ADAMTS19: variants seen among roughly 807,000 people sequenced by gnomAD.
The protein encoded by ADAMTS19 is ADAM metallopeptidase with thrombospondin type 1 motif 19.
In ADAMTS19, 93 loss-of-function variants were observed where a neutral mutation model predicts 153.3. The ratio of observed to expected loss-of-function variants is 0.61; its 90% CI spans 0.51 to 0.72. The LOEUF (loss-of-function observed/expected upper bound fraction) is 0.72. Ranked by LOEUF, ADAMTS19 falls within the 30% of genes least tolerant of loss-of-function variation. The pLI is 0.00. For missense variants in ADAMTS19, 1,482 were observed against 1,552.1 expected, an observed-to-expected ratio of 0.95 and a Z score of 0.76; for synonymous variants, 600 against 556.6, an observed-to-expected ratio of 1.08 and a Z score of -1.10.
At chr5:129,628,661 G>C (rs772032243) in intron 10 of ADAMTS19, among the ~76,000 whole-genome samples, 1 of 152,012 alleles carries the variant, frequency 6.6e-6, no homozygotes, top group Non-Finnish European at 1.5e-5. Flanking sequence ...AAATAGTTGT[G>C]CACTATGTAA....
chr5:129,665,095 T>C (rs1263338506), intron 15 of ADAMTS19, among the ~76,000 whole-genome samples: 1 of 152,094 alleles, frequency 6.6e-6, no homozygotes, highest in African/African-American at 2.4e-5. Context: ...TTTCTCCGGC[T>C]ATATATTCTT....
chr5:129,665,378 C>T lies in ADAMTS19; in HGVS notation c.2426-121C>T, dbSNP rs917573290. On this transcript the variant is annotated intron_variant, in intron 15 of 22. Transcript: ENST00000274487. ...TTTTATATATAAAAATTTTTCTTTA[C>T]GTAAGTACTGAAATATCATAGCAAT... The T allele has an allele frequency of 1.6e-5, 11 of 703,220 alleles. No homozygotes were observed. In the East Asian group the frequency reaches 2.2e-4, roughly 14 times the overall value. The allele number at this position is 703,220 out of a possible 1,614,324, so 43.6% of individuals were successfully genotyped here.
intron 21 of ADAMTS19, among the ~76,000 whole-genome samples, chr5:129,712,823 ATC>A (rs1218196418): frequency 6.6e-6 from 1 of 152,158 alleles, no homozygotes; most frequent in Non-Finnish European, 1.5e-5. Context: ...CTGAGATAGT[ATC>A]TCTCTCTCTT....
intron 2 of ADAMTS19, among the ~76,000 whole-genome samples, chr5:129,504,760 C>T (rs1280137584): frequency 6.6e-6 from 1 of 151,936 alleles, no homozygotes; most frequent in Non-Finnish European, 1.5e-5. Flanking sequence ...ATTTGTCTTT[C>T]TGTACCTTGC....
At chr5:129,631,618 G>A (rs1028382380) in intron 10 of ADAMTS19, among the ~76,000 whole-genome samples, 2 of 151,702 alleles carry the variant, frequency 1.3e-5, no homozygotes, top group African/African-American at 2.4e-5. Flanking sequence ...CTTTATCACT[G>A]GTAGAAGTAT....
At chr5:129,628,416 C>G (rs1031562916) in intron 10 of ADAMTS19, among the ~76,000 whole-genome samples, 3 of 151,716 alleles carry the variant, frequency 2.0e-5, no homozygotes, top group African/African-American at 7.3e-5. Context: ...ATGAGTTTAC[C>G]TATATAGCAA....
intron 7 of ADAMTS19, among the ~76,000 whole-genome samples, chr5:129,572,420 C>A (rs1316154921): frequency 6.6e-6 from 1 of 151,942 alleles, no homozygotes; most frequent in East Asian, 1.9e-4. Flanking sequence ...CACCCCTGAG[C>A]ATTTACTTCA....
chr5:129,470,098 G>C (rs771997038), intron 2 of ADAMTS19, among the ~76,000 whole-genome samples: 2 of 152,116 alleles, frequency 1.3e-5, no homozygotes, highest in Non-Finnish European at 1.5e-5. Context: ...GGCCAATTTT[G>C]TGAGAAGAAA....
intron 7 of ADAMTS19, among the ~76,000 whole-genome samples, chr5:129,556,482 TC>T (rs1405393619): frequency 3.3e-5 from 5 of 152,208 alleles, no homozygotes; most frequent in Admixed American, 3.3e-4. Flanking sequence ...AGAATAATGG[TC>T]CTCAAGAGTG....
At chr5:129,671,252 A>G (rs935463225) in intron 16 of ADAMTS19, among the ~76,000 whole-genome samples, 1 of 152,184 alleles carries the variant, frequency 6.6e-6, no homozygotes, top group Non-Finnish European at 1.5e-5. Context: ...ACATTGAAGA[A>G]GTTGAACTGA....
intron 2 of ADAMTS19, among the ~76,000 whole-genome samples, chr5:129,471,365 CA>C (rs1014203046): frequency 2.7e-5 from 4 of 145,896 alleles, no homozygotes; most frequent in Non-Finnish European, 6.0e-5. Context: ...GACCCTGTCT[CA>C]AAAGAATGAA....
chr5:129,488,128 A>AT lies in ADAMTS19; in HGVS notation c.748-20945dup, dbSNP rs776380511. 6.3e-4 allele frequency among the ~76,000 whole-genome samples: 96 copies of AT among 152,212 alleles called. 2 individuals carry two copies. Among genetic ancestry groups the AT allele is most frequent in the South Asian group, 3.5e-3 (17 of 4,830 alleles). The stretch of plus-strand genomic sequence containing the variant: ...CTCACAGCAAAGAAAATACACCGAG[A>AT]TTTTATGTTGAATTGAAAATATTAA... On this transcript the variant is annotated intron_variant, in intron 2 of 22. Coordinates refer to ENST00000274487, the MANE Select transcript of ADAMTS19 (RefSeq NM_133638.6).
chr5:129,647,380 A>G (rs1011048059), intron 11 of ADAMTS19, among the ~76,000 whole-genome samples: 1 of 152,112 alleles, frequency 6.6e-6, no homozygotes, highest in Admixed American at 6.6e-5. Context: ...TCTTGTTTCC[A>G]TTCTTATATA....
intron 6 of ADAMTS19, among the ~76,000 whole-genome samples, chr5:129,549,527 G>A (rs1049433199): frequency 1.3e-5 from 2 of 151,396 alleles, no homozygotes; most frequent in African/African-American, 4.8e-5. Flanking sequence ...TAGAGACCGA[G>A]TACTTAATAA....
At chr5:129,647,982 A>G in intron 12 of ADAMTS19, 87 bp downstream of exon 12, 1 of 1,444,104 alleles carries the variant, frequency 6.9e-7, no homozygotes, top group Non-Finnish European at 9.4e-7. Context: ...GGAAAGCAAA[A>G]GAAGCTCCTC....
intron 8 of ADAMTS19, among the ~76,000 whole-genome samples, chr5:129,611,523 C>G (rs573726924): frequency 1.2e-3 from 180 of 152,248 alleles, no homozygotes; most frequent in African/African-American, 4.3e-3. Flanking sequence ...CCAGTTTTCC[C>G]AGCACCATTT....
At chr5:129,701,968 C>G (rs1755883127) in intron 20 of ADAMTS19, among the ~76,000 whole-genome samples, 1 of 152,066 alleles carries the variant, frequency 6.6e-6, no homozygotes, top group African/African-American at 2.4e-5. Context: ...TATATGTGAA[C>G]AAGGAATGTG....
intron 8 of ADAMTS19, among the ~76,000 whole-genome samples, chr5:129,597,900 C>CAAA (rs66501856): frequency 4.4e-5 from 6 of 135,468 alleles, no homozygotes; most frequent in African/African-American, 8.3e-5. Context: ...GTCTCTATCT[C>CAAA]AAAAAAAAAA....
chr5:129,538,526 T>C (rs773699667), intron 6 of ADAMTS19, among the ~76,000 whole-genome samples: 15 of 152,240 alleles, frequency 9.9e-5, no homozygotes, highest in Non-Finnish European at 2.2e-4. Flanking sequence ...CTCTTCATTA[T>C]TGCCTCCCTT....
Sources: allele counts gnomAD v4.1 joint callset (sites outside exome capture counted in the v4.1 genomes callset), GRCh38; gene constraint gnomAD v4.1.1; transcripts MANE v1.5; gene names NCBI Gene and HGNC (gene_info 2026-07-23, HGNC 2026-07-21).